F11: variants seen among roughly 807,000 people sequenced by gnomAD.
F11 encodes the protein coagulation factor XI, also known as coagualtion factor XI.
Under a neutral mutation model 76.5 loss-of-function variants are expected in F11, and 78 were observed. The ratio of observed to expected loss-of-function variants is 1.02; its 90% CI spans 0.85 to 1.23. The LOEUF is 1.23. Among genes scored for constraint, F11 ranks in the 50% most tolerant of loss-of-function variants. The pLI is 0.00. For missense variants in F11, 742 were observed against 771.4 expected, an observed-to-expected ratio of 0.96 and a Z score of 0.45; for synonymous variants, 278 against 276.3, an observed-to-expected ratio of 1.01 and a Z score of -0.06.
Position 186,267,131 on chromosome 4 carries a change from T to C in F11, c.-1-5T>C. 1.3e-6 allele frequency: 2 copies of C among 1,554,848 alleles called. No individual in the cohort carries two copies. Among genetic ancestry groups the C allele is most frequent in the Non-Finnish European group, 8.9e-7 (1 of 1,125,988 alleles). ...CTAAAAGCATGCACCTTTTTCTCAT[T>C]GTAGGATGATTTTCTTATATCAAGT... On this transcript the variant is annotated splice_polypyrimidine_tract_variant and splice_region_variant and intron_variant, in intron 1 of 14. Transcript: ENST00000403665.
chr4:186,271,907 G>A, intron 3 of F11, 136 bp downstream of exon 3: 1 of 1,060,784 alleles, frequency 9.4e-7, no homozygotes, highest in Non-Finnish European at 1.4e-6. Context: ...TTGAAATATT[G>A]TTACAGAAAG....
At position 186,287,744 on chromosome 4, in the gene F11, A is replaced by C; in HGVS notation, c.1637A>C (p.Gln546Pro). The C allele has an allele frequency of 6.2e-7, 1 of 1,613,798 alleles. No homozygotes were observed. Among genetic ancestry groups the C allele is most frequent in the Non-Finnish European group, 8.5e-7 (1 of 1,179,828 alleles). The part of the protein sequence containing the change: ...KIPLVTNEEC[Q>P]KRYRGHKITH... ...CCCTTAGTGACCAACGAAGAGTGCC[A>C]GAAGAGATACAGAGGACATAAAATA... Residue 546 changes from glutamine (Q) to proline (P), a missense_variant, in exon 14 of 15, where the codon CAG becomes CCG. Gln to Pro is a moderately conservative substitution (Grantham distance 76). Transcript: ENST00000403665.
Position 186,276,230 on chromosome 4 carries a change from G to T in F11, c.596-1G>T, listed in dbSNP as rs749791730. 1.2e-6 allele frequency: 2 copies of T among 1,613,986 alleles called. No individual in the cohort carries two copies. Among genetic ancestry groups the T allele is most frequent in the African/African-American group, 2.7e-5 (2 of 74,882 alleles). On this transcript the variant is annotated splice_acceptor_variant, in intron 6 of 14. Transcript: ENST00000403665. LOFTEE classifies it high-confidence loss of function. ...CCTGACATAGTTCTTCCGTCGCGCA[G>T]CTTGTATTAGGGACATTTTCCCTAA...
chr4:186,273,470 T>G (rs1740137079), intron 4 of F11, among the ~76,000 whole-genome samples: 1 of 152,164 alleles, frequency 6.6e-6, no homozygotes, highest in Non-Finnish European at 1.5e-5. Context: ...TTTTTTTTTT[T>G]GAGACAGGGT....
chr4:186,289,009 G>T lies in F11; in HGVS notation c.*395G>T. 3.7e-6 allele frequency: 1 copy of T among 271,072 alleles called. No individual in the cohort carries two copies. 16.8% of individuals were successfully genotyped at this position (271,072 alleles called of 1,614,324 possible). A position where few individuals can be genotyped will look rare whatever the true frequency, so the allele number is the denominator to read the frequency against. ...GTTCGATGAAAGATGAAAACTGGAA[G>T]AAAGGAGAACAAAGACAGTCTTCAC... On this transcript the variant is annotated 3_prime_UTR_variant, in exon 15 of 15. Coordinates refer to ENST00000403665, the MANE Select transcript of F11 (RefSeq NM_000128.4).
chr4:186,285,336 CGTGT>C (rs1269401589), intron 11 of F11, among the ~76,000 whole-genome samples: 3 of 150,518 alleles, frequency 2.0e-5, no homozygotes, highest in East Asian at 2.0e-4. Context: ...TGTGTGTGTG[CGTGT>C]GTGTCTGTGC....
intron 2 of F11, among the ~76,000 whole-genome samples, chr4:186,270,567 G>C (rs1202948286): frequency 6.6e-6 from 1 of 151,892 alleles, no homozygotes; most frequent in Non-Finnish European, 1.5e-5. Flanking sequence ...CCATCTAGTG[G>C]CATATTGAAA....
chr4:186,270,326 T>G (rs918509907), intron 2 of F11, among the ~76,000 whole-genome samples: 2 of 152,206 alleles, frequency 1.3e-5, no homozygotes, highest in African/African-American at 4.8e-5. Context: ...AACCTTGACG[T>G]GAAATATTTT....
At position 186,276,493 on chromosome 4, in the gene F11, A is replaced by G; in HGVS notation, c.755+103A>G. Reference sequence around the variant, plus strand: ...TAACTAAAAATTTACTCTAAATGTCAGTATAGGATAAAAGTTGCAAAGAAT... The same window carrying G: ...TAACTAAAAATTTACTCTAAATGTCGGTATAGGATAAAAGTTGCAAAGAAT... On this transcript the variant is annotated intron_variant, in intron 7 of 14. Coordinates refer to ENST00000403665, the MANE Select transcript of F11 (RefSeq NM_000128.4). The G allele has an allele frequency of 4.4e-6, 6 of 1,349,710 alleles. No homozygotes were observed. The South Asian group carries it at 7.3e-5, about 16-fold the overall frequency. The allele number at this position is 1,349,710 out of a possible 1,614,324, so 83.6% of individuals were successfully genotyped here.
At position 186,271,742 on chromosome 4, in the gene F11, G is replaced by C; in HGVS notation, c.189G>C (p.Ala63=). Residue 63 remains alanine, a synonymous_variant, in exon 3 of 15, where the codon GCG becomes GCC. Transcript: ENST00000403665. ...HPRCLLFTFT[A]ESPSEDPTRW... ...GATGTTTACTCTTCACTTTCACGGCGGAATCACCATCTGAGGATCCCACCC... is the reference window on the plus strand; with the variant it reads ...GATGTTTACTCTTCACTTTCACGGCCGAATCACCATCTGAGGATCCCACCC... 1 of 1,614,076 alleles carries C rather than the reference G, an allele frequency of 6.2e-7. No individual in the cohort carries two copies. The highest frequency in any genetic ancestry group is 8.5e-7 in the Non-Finnish European group (1 of 1,180,010).
At chr4:186,272,779 A>G (rs980019587) in intron 3 of F11, among the ~76,000 whole-genome samples, 2 of 152,250 alleles carry the variant, frequency 1.3e-5, no homozygotes, top group African/African-American at 4.8e-5. Context: ...CATTTTGTAT[A>G]GCTAACAGGC....
rs2126787883 is a variant in F11 at position 186,287,739 on chromosome 4, G to A, written c.1632G>A (p.Glu544=). 1.9e-6 allele frequency: 3 copies of A among 1,613,678 alleles called. No homozygotes were observed. The highest frequency in any genetic ancestry group is 2.5e-6 in the Non-Finnish European group (3 of 1,179,808). The stretch of plus-strand genomic sequence containing the variant: ...AGATACCCTTAGTGACCAACGAAGA[G>A]TGCCAGAAGAGATACAGAGGACATA... ...KAKIPLVTNE[E]CQKRYRGHKI... is the part of the protein sequence containing the mutation. The change falls in exon 14 of 15, where the codon GAG becomes GAA. Residue 544 remains glutamate, a synonymous_variant. Coordinates refer to ENST00000403665, the MANE Select transcript of F11 (RefSeq NM_000128.4).
In F11 at chr4:186,280,352, A is replaced by G. The variant is rs1740705626; in HGVS notation, c.995A>G (p.Tyr332Cys). 6.2e-7 allele frequency: 1 copy of G among 1,614,180 alleles called. No homozygotes were observed. Among genetic ancestry groups the G allele is most frequent in the Non-Finnish European group, 8.5e-7 (1 of 1,180,030 alleles). Residue 332 changes from tyrosine (Y) to cysteine (C), a missense_variant, in exon 9 of 15, where the codon TAT becomes TGT. Physicochemically the swap from Tyr to Cys is radical, Grantham distance 194. Coordinates refer to ENST00000403665, the MANE Select transcript of F11 (RefSeq NM_000128.4). ...TNAVRCQFFT[Y>C]TPAQASCNEG... Reference sequence around the variant, plus strand: ...GCCGTCCGCTGCCAGTTTTTTACCTATACCCCAGCCCAAGCATCCTGCAAC... The same window carrying G: ...GCCGTCCGCTGCCAGTTTTTTACCTGTACCCCAGCCCAAGCATCCTGCAAC...
At chr4:186,275,917 G>A (rs1051927904) in intron 6 of F11, 21 bp downstream of exon 6, 6 of 1,545,980 alleles carry the variant, frequency 3.9e-6, no homozygotes, top group African/African-American at 1.4e-5. Context: ...ACTTCTTGAT[G>A]ATGTAATTCA....
At position 186,289,412 on chromosome 4, in the gene F11, T is replaced by C. The variant is rs1409466483; in HGVS notation, c.*798T>C. Among the ~76,000 whole-genome samples the C allele has an allele frequency of 6.6e-6, 1 of 152,208 alleles. No individual in the cohort carries two copies. The highest frequency in any genetic ancestry group is 1.5e-5 in the Non-Finnish European group (1 of 68,042). On this transcript the variant is annotated 3_prime_UTR_variant, in exon 15 of 15. Coordinates refer to ENST00000403665, the MANE Select transcript of F11 (RefSeq NM_000128.4). The stretch of plus-strand genomic sequence containing the variant: ...CTAAGACAAGCTGCTGCTGTGACTA[T>C]GGGCTCCCAAAGAGCTAGATCGTAT...
intron 2 of F11, among the ~76,000 whole-genome samples, chr4:186,269,159 T>C (rs1461006823): frequency 6.6e-6 from 1 of 152,220 alleles, no homozygotes; most frequent in Admixed American, 6.5e-5. Context: ...GATGATTACA[T>C]TGTGATATTG....
chr4:186,283,982 A>G (rs1176799987), intron 10 of F11, 110 bp from the exon 11 acceptor site: 2 of 1,553,308 alleles, frequency 1.3e-6, no homozygotes, highest in Non-Finnish European at 1.8e-6. Context: ...ACTCAGGGTC[A>G]TGATAAACTA....
At chr4:186,271,533 C>T in intron 2 of F11, 76 bp from the exon 3 acceptor site, 1 of 1,545,742 alleles carries the variant, frequency 6.5e-7, no homozygotes, top group Admixed American at 1.7e-5. Flanking sequence ...CTTGCCTTGC[C>T]TTTATGAGAT....
At chr4:186,275,226 C>T in intron 5 of F11, 1 of 455,014 alleles carries the variant, frequency 2.2e-6, no homozygotes, top group Non-Finnish European at 4.4e-6. Context: ...CGCGGTGGCT[C>T]ACACCTGTAA....
Sources: gnomAD v4.1 joint callset for allele counts (sites outside exome capture counted in the v4.1 genomes callset) on GRCh38, gnomAD v4.1.1 for gene constraint, MANE v1.5 for transcripts, NCBI Gene and HGNC (gene_info 2026-07-23, HGNC 2026-07-21) for gene names.